Variants in NSUN7 observed in about 807,000 individuals in gnomAD.
The protein encoded by NSUN7 is protein NSUN7.
A neutral mutation model predicts 58.5 loss-of-function variants in NSUN7; 39 were observed. That is an observed-to-expected ratio of 0.67 (90% confidence interval 0.52 to 0.87). The LOEUF is 0.87. Ranked by LOEUF, NSUN7 falls within the 40% of genes least tolerant of loss-of-function variation. NSUN7 has a pLI of 0.00. For missense variants in NSUN7, 765 were observed against 844.1 expected (o/e 0.91, Z 1.16); for synonymous variants, 278 against 303.7 (o/e 0.92, Z 0.88).
At chr4:40,801,824 C>T (rs1743595126) in intron 10 of NSUN7, among the ~76,000 whole-genome samples, 1 of 149,554 alleles carries the variant, frequency 6.7e-6, no homozygotes, top group Non-Finnish European at 1.5e-5. Context: ...ATTGCTTGAG[C>T]CCAAGAGGTT....
At chr4:40,806,626 TTGTAA>T (rs1219127677) in intron 10 of NSUN7, among the ~76,000 whole-genome samples, 4 of 152,158 alleles carry the variant, frequency 2.6e-5, no homozygotes, top group African/African-American at 9.7e-5. Context: ...TATTTTTATA[TTGTAA>T]TTGTGCAAAA....
chr4:40,764,072 T>A (rs1055073846), intron 4 of NSUN7, among the ~76,000 whole-genome samples: 1 of 151,682 alleles, frequency 6.6e-6, no homozygotes, highest in African/African-American at 2.4e-5. Context: ...TTTAATTTTT[T>A]AATTTTTTTA....
rs1243500732 is a variant in NSUN7 at position 40,771,000 on chromosome 4, G to A, written c.489-3265G>A. On this transcript the variant is annotated intron_variant, in intron 4 of 11. Transcript: ENST00000381782. The stretch of plus-strand genomic sequence containing the variant: ...CAGGAGGCGGAGGTTGCAGTAAGCC[G>A]AGATTGCACCACTGCACTCCAGCCT... Among the ~76,000 whole-genome samples the A allele has an allele frequency of 2.6e-5, 4 of 152,222 alleles. No homozygotes were observed. The East Asian group carries it at 7.7e-4, about 29-fold the overall frequency.
intron 10 of NSUN7, among the ~76,000 whole-genome samples, chr4:40,802,213 C>T (rs1007050556): frequency 5.3e-5 from 8 of 152,170 alleles, no homozygotes; most frequent in African/African-American, 1.7e-4. Flanking sequence ...TTTAAAATTA[C>T]GTTTTAAGCC....
chr4:40,805,282 G>A (rs78448748), intron 10 of NSUN7, among the ~76,000 whole-genome samples: 9,185 of 151,450 alleles, frequency 0.061, 385 homozygotes, highest in Non-Finnish European at 0.088. Flanking sequence ...GTCTCTGGAG[G>A]CTCTGGGAAC....
rs1007660279 is a variant in NSUN7 at position 40,811,011 on chromosome 4, G to A, written c.*2072G>A. On this transcript the variant is annotated 3_prime_UTR_variant, in exon 12 of 12. Transcript: ENST00000381782. The stretch of plus-strand genomic sequence containing the variant: ...TATTTTCAAGTGTATTTTCTGTGAT[G>A]TTGTCTCATTGTTATGGAATAGTTT... 6.6e-6 allele frequency: 1 copy of A among 152,162 alleles called. No homozygotes were observed. Among genetic ancestry groups the A allele is most frequent in the African/African-American group, 2.4e-5 (1 of 41,434 alleles). 9.4% of individuals were successfully genotyped at this position (152,162 alleles called of 1,614,324 possible). A position where few individuals can be genotyped will look rare whatever the true frequency, so the allele number is the denominator to read the frequency against.
Position 40,774,807 on chromosome 4 carries a change from A to C in NSUN7, c.682A>C (p.Asn228His), listed in dbSNP as rs749966769. Residue 228 changes from asparagine to histidine, a missense_variant, in exon 6 of 12, where the codon AAT (asparagine) becomes CAT (histidine). Transcript: ENST00000381782. ...TAATAATTTGAAGAGAAGAGGCTATAATAAAGTCAAATCTGTATTGCATAT... is the reference window on the plus strand; with the variant it reads ...TAATAATTTGAAGAGAAGAGGCTATCATAAAGTCAAATCTGTATTGCATAT... The part of the protein sequence containing the change: ...VYNNLKRRGY[N>H]KVKSVLHIDD... 7.7e-6 allele frequency: 12 copies of C among 1,556,100 alleles called. No homozygotes were observed. Among genetic ancestry groups the C allele is most frequent in the Non-Finnish European group, 9.7e-6 (11 of 1,133,862 alleles).
chr4:40,804,292 T>G (rs1743725962), intron 10 of NSUN7, among the ~76,000 whole-genome samples: 1 of 151,488 alleles, frequency 6.6e-6, no homozygotes, highest in African/African-American at 2.4e-5. Flanking sequence ...ATAAAAAAAT[T>G]AGCCAGGCGT....
chr4:40,780,687 A>G (rs1158146591), intron 7 of NSUN7, among the ~76,000 whole-genome samples: 1 of 151,422 alleles, frequency 6.6e-6, no homozygotes, highest in Non-Finnish European at 1.5e-5. Flanking sequence ...ATTAAACCAA[A>G]TAACATATAT....
At chr4:40,797,326 T>C (rs886638264) in intron 9 of NSUN7, among the ~76,000 whole-genome samples, 2 of 152,184 alleles carry the variant, frequency 1.3e-5, no homozygotes, top group South Asian at 4.1e-4. Flanking sequence ...AATCTGTATT[T>C]CCAGTCTAAA....
At chr4:40,801,327 C>A (rs1234998588) in intron 10 of NSUN7, among the ~76,000 whole-genome samples, 2 of 152,128 alleles carry the variant, frequency 1.3e-5, no homozygotes, top group Non-Finnish European at 2.9e-5. Context: ...AATGATATTA[C>A]CTACATCATT....
intron 2 of NSUN7, among the ~76,000 whole-genome samples, chr4:40,757,769 G>A (rs1044618813): frequency 1.3e-5 from 2 of 148,314 alleles, no homozygotes; most frequent in Non-Finnish European, 3.0e-5. Flanking sequence ...CAAAAGTAAT[G>A]CATTCTGCAC....
intron 4 of NSUN7, among the ~76,000 whole-genome samples, chr4:40,767,244 A>G (rs2154287164): frequency 1.3e-5 from 2 of 152,170 alleles, no homozygotes; most frequent in South Asian, 2.1e-4. Flanking sequence ...CCCTCTACAC[A>G]CTGCTTTGAA....
At chr4:40,780,770 CACACACACACACACACAT>C (rs1742495041) in intron 7 of NSUN7, among the ~76,000 whole-genome samples, 1 of 68,344 alleles carries the variant, frequency 1.5e-5, no homozygotes, top group African/African-American at 6.9e-5. Context: ...CACACACACA[CACACACACACACACACAT>C]ACACATATAT....
intron 10 of NSUN7, among the ~76,000 whole-genome samples, chr4:40,805,231 G>A (rs1314244941): frequency 1.2e-4 from 18 of 152,134 alleles, no homozygotes; most frequent in Non-Finnish European, 1.5e-5. Context: ...ATCTGGCATG[G>A]CACAGCCAGG....
At chr4:40,761,884 A>C (rs2154286838) in intron 4 of NSUN7, among the ~76,000 whole-genome samples, 1 of 152,344 alleles carries the variant, frequency 6.6e-6, no homozygotes, top group African/African-American at 2.4e-5. Context: ...GACATAAAGT[A>C]AATTGGTCAG....
rs1398456429 is a variant in NSUN7 at position 40,776,147 on chromosome 4, C to T, written c.924C>T (p.Ser308=). The change falls in exon 7 of 12, where the codon TCC becomes TCT. Residue 308 remains serine, a synonymous_variant. Coordinates refer to ENST00000381782, the MANE Select transcript of NSUN7 (RefSeq NM_024677.6). ...MVNTGSWYTV[S]HMSILTNNNT... Reference sequence around the variant, plus strand: ...ATACAGGCTCATGGTACACAGTTTCCCACATGTCAATTTTAACAAATAATA... The same window carrying T: ...ATACAGGCTCATGGTACACAGTTTCTCACATGTCAATTTTAACAAATAATA... The T allele has an allele frequency of 1.2e-6, 2 of 1,607,200 alleles. No homozygotes were observed. Among genetic ancestry groups the T allele is most frequent in the Admixed American group, 1.7e-5 (1 of 59,884 alleles).
chr4:40,785,225 A>G (rs1306817471), intron 7 of NSUN7, among the ~76,000 whole-genome samples: 1 of 151,286 alleles, frequency 6.6e-6, no homozygotes, highest in Non-Finnish European at 1.5e-5. Flanking sequence ...TGGTAGAGAC[A>G]AGGTCTCACT....
chr4:40,769,521 C>T (rs1428885609), intron 4 of NSUN7, among the ~76,000 whole-genome samples: 1 of 152,170 alleles, frequency 6.6e-6, no homozygotes, highest in Non-Finnish European at 1.5e-5. Flanking sequence ...AAACAGCAGT[C>T]TTGCTGAGTT....
Sources: allele counts gnomAD v4.1 joint callset (sites outside exome capture counted in the v4.1 genomes callset), GRCh38; gene constraint gnomAD v4.1.1; transcripts MANE v1.5; gene names NCBI Gene and HGNC (gene_info 2026-07-23, HGNC 2026-07-21).